The following LCP2 variants were observed in gnomAD, a reference collection of about 807,000 sequenced individuals.
LCP2 encodes lymphocyte cytosolic protein 2.
In LCP2, 29 loss-of-function variants were observed where a neutral mutation model predicts 74.5. That is an observed-to-expected ratio of 0.39 (90% CI 0.29 to 0.53). The LOEUF is 0.53. LCP2 is among the 20% of genes least tolerant of loss of function. The pLI is 0.72. For synonymous variants in LCP2, 228 were observed against 229.5 expected, an observed-to-expected ratio of 0.99 and a Z score of 0.06; for missense variants, 604 against 634.6, an observed-to-expected ratio of 0.95 and a Z score of 0.52.
chr5:170,264,978 C>CTTTTT (rs58508083), intron 10 of LCP2, among the ~76,000 whole-genome samples: 19 of 108,996 alleles, frequency 1.7e-4, no homozygotes, highest in African/African-American at 7.0e-4. Flanking sequence ...CAAAATTTGC[C>CTTTTT]TTTTTTTTTT....
At chr5:170,270,038 A>C (rs1464038525) in intron 7 of LCP2, among the ~76,000 whole-genome samples, 2 of 152,206 alleles carry the variant, frequency 1.3e-5, no homozygotes, top group African/African-American at 4.8e-5. Context: ...ACTCTCTGAA[A>C]GTATATTATT....
At position 170,290,984 on chromosome 5, in the gene LCP2, GAAAGAAAGAAAGAAAGAGAGAA is replaced by G. The variant is rs1561979097; in HGVS notation, c.141+2304_141+2325del. On this transcript the variant is annotated intron_variant, in intron 2 of 20. Transcript: ENST00000046794. ...AGAAAGAAAGAAAGAAAGAAAGAAA[GAAAGAAAGAAAGAAAGAGAGAA>G]AGAAAGAGAGAAAGAAAGAGAGAAA... is the stretch of plus-strand genomic sequence containing the variant. Among the ~76,000 whole-genome samples, 4 of 93,328 alleles carry G rather than the reference GAAAGAAAGAAAGAAAGAGAGAA, an allele frequency of 4.3e-5. No individual in the cohort carries two copies. The East Asian group carries it at 9.7e-4, about 23-fold the overall frequency. 61.2% of individuals were successfully genotyped at this position (93,328 alleles called of 152,430 possible). A position where few individuals can be genotyped will look rare whatever the true frequency, so the allele number is the denominator to read the frequency against.
At chr5:170,291,773 A>C (rs1305795860) in intron 2 of LCP2, among the ~76,000 whole-genome samples, 2 of 152,198 alleles carry the variant, frequency 1.3e-5, no homozygotes, top group Admixed American at 1.3e-4. Flanking sequence ...CGTCGTAGGC[A>C]CCATCCTCAA....
intron 2 of LCP2, among the ~76,000 whole-genome samples, chr5:170,288,440 C>G (rs1762222631): frequency 6.6e-6 from 1 of 152,322 alleles, no homozygotes; most frequent in East Asian, 1.9e-4. Context: ...AGAAGCCAGC[C>G]TGGAGGAGTC....
chr5:170,249,393 T>G (rs1581054181), intron 20 of LCP2, among the ~76,000 whole-genome samples: 2 of 143,778 alleles, frequency 1.4e-5, no homozygotes. Flanking sequence ...TACATATCTA[T>G]ATATATATAT....
At chr5:170,253,856 A>G (rs777860681) in intron 17 of LCP2, among the ~76,000 whole-genome samples, 2 of 152,206 alleles carry the variant, frequency 1.3e-5, no homozygotes, top group Non-Finnish European at 2.9e-5. Flanking sequence ...CTTGTGCCTC[A>G]TCTTCTCTAA....
At chr5:170,270,410 A>C (rs1761875418) in intron 7 of LCP2, 1 of 292,756 alleles carries the variant, frequency 3.4e-6, no homozygotes, top group Non-Finnish European at 6.2e-6. Context: ...GAAACTGCCA[A>C]ATAGCCTTAG....
intron 2 of LCP2, among the ~76,000 whole-genome samples, chr5:170,289,725 T>C (rs1292903970): frequency 6.9e-6 from 1 of 145,868 alleles, no homozygotes; most frequent in Non-Finnish European, 1.5e-5. Context: ...TTCCTTTCCT[T>C]TCCTTTCCTG....
At chr5:170,286,327 T>C (rs961595313) in intron 3 of LCP2, among the ~76,000 whole-genome samples, 2 of 152,180 alleles carry the variant, frequency 1.3e-5, no homozygotes, top group African/African-American at 4.8e-5. Flanking sequence ...AGAGGCTGGA[T>C]TTTGTGAAAG....
chr5:170,284,813 C>T lies in LCP2; in HGVS notation c.188+3157G>A, dbSNP rs558608257. Among the ~76,000 whole-genome samples, 3 of 149,316 alleles carry T rather than the reference C, an allele frequency of 2.0e-5. No homozygotes were observed. In the South Asian group the frequency reaches 6.4e-4, roughly 32 times the overall value. ...TCACCCAGGCTGGAGTACAGTGGTG[C>T]CATCTCAGCTCACTGCAGCCTCCAC... On this transcript the variant is annotated intron_variant, in intron 3 of 20. Transcript: ENST00000046794.
intron 3 of LCP2, among the ~76,000 whole-genome samples, chr5:170,280,348 C>T (rs997912709): frequency 1.3e-5 from 2 of 152,118 alleles, no homozygotes; most frequent in African/African-American, 4.8e-5. Flanking sequence ...CCTCCCTGCA[C>T]ACATTCCCAC....
chr5:170,270,181 T>C (rs116744488), intron 7 of LCP2, among the ~76,000 whole-genome samples: 2,225 of 152,294 alleles, frequency 0.015, 52 homozygotes, highest in African/African-American at 0.05. Context: ...AGATCAACAA[T>C]GTTTGTTGAA....
chr5:170,267,201 A>G (rs1761781352), intron 8 of LCP2, 126 bp from the exon 9 acceptor site: 5 of 939,518 alleles, frequency 5.3e-6, no homozygotes, highest in Middle Eastern at 3.2e-4. Flanking sequence ...ATCCATGTCC[A>G]TTTCTTCACT....
At chr5:170,293,140 G>A (rs764320804) in intron 2 of LCP2, among the ~76,000 whole-genome samples, 170 bp downstream of exon 2, 8 of 152,164 alleles carry the variant, frequency 5.3e-5, no homozygotes, top group Non-Finnish European at 1.2e-4. Flanking sequence ...AGGGGTTCTG[G>A]ATGATAGGAT....
At chr5:170,289,336 C>G (rs1581075773) in intron 2 of LCP2, among the ~76,000 whole-genome samples, 1 of 152,240 alleles carries the variant, frequency 6.6e-6, no homozygotes, top group East Asian at 1.9e-4. Context: ...TGCTTCTTTT[C>G]CGTTCTGGGA....
intron 6 of LCP2, 84 bp from the exon 7 acceptor site, chr5:170,271,001 G>C: frequency 8.1e-7 from 1 of 1,227,474 alleles, no homozygotes; most frequent in Non-Finnish European, 1.1e-6. Context: ...TCCCTGCCAA[G>C]CCTCACAACA....
At chr5:170,252,340 A>T in intron 19 of LCP2, 94 bp downstream of exon 19, 1 of 679,876 alleles carries the variant, frequency 1.5e-6, no homozygotes, top group Admixed American at 2.6e-5. Context: ...CACCTAGCAG[A>T]ATTCCTAGCC....
At chr5:170,291,379 G>A (rs1762294306) in intron 2 of LCP2, among the ~76,000 whole-genome samples, 1 of 152,214 alleles carries the variant, frequency 6.6e-6, no homozygotes, top group African/African-American at 2.4e-5. Flanking sequence ...TGCACTAGGG[G>A]TGGAGGGTGG....
At chr5:170,283,543 C>T (rs1378726568) in intron 3 of LCP2, among the ~76,000 whole-genome samples, 1 of 152,198 alleles carries the variant, frequency 6.6e-6, no homozygotes, top group Non-Finnish European at 1.5e-5. Flanking sequence ...CTAACTCAGT[C>T]CCATGTCCCC....
Sources: gnomAD v4.1 joint callset for allele counts (sites outside exome capture counted in the v4.1 genomes callset) on GRCh38, gnomAD v4.1.1 for gene constraint, MANE v1.5 for transcripts, NCBI Gene and HGNC (gene_info 2026-07-23, HGNC 2026-07-21) for gene names.